The following NELL2 variants were observed in gnomAD, a reference collection of about 807,000 sequenced individuals.
NELL2 encodes neural EGFL like 2.
A neutral mutation model predicts 109.6 loss-of-function variants in NELL2; 41 were observed. The ratio of observed to expected loss-of-function variants is 0.37; its 90% CI spans 0.29 to 0.49. The LOEUF (loss-of-function observed/expected upper bound fraction) is 0.49. Ranked by LOEUF, NELL2 falls within the 20% of genes least tolerant of loss-of-function variation. The pLI is 0.98. For synonymous variants in NELL2, 355 were observed against 344.7 expected (o/e 1.03, Z -0.33); for missense variants, 900 against 1,008.3 (o/e 0.89, Z 1.45).
At chr12:44,896,638 C>T (rs1227295830) in intron 1 of NELL2, among the ~76,000 whole-genome samples, 2 of 152,078 alleles carry the variant, frequency 1.3e-5, no homozygotes, top group East Asian at 1.9e-4. Flanking sequence ...AAAAATATCA[C>T]TTAATGTACT....
intron 3 of NELL2, among the ~76,000 whole-genome samples, chr12:44,790,240 C>A (rs536689355): frequency 1.3e-5 from 2 of 152,156 alleles, no homozygotes; most frequent in Admixed American, 1.3e-4. Flanking sequence ...CACCAGGTAA[C>A]CTATAAAGGA....
chr12:44,832,283 T>C (rs1444591624), intron 2 of NELL2, among the ~76,000 whole-genome samples: 1 of 152,008 alleles, frequency 6.6e-6, no homozygotes, highest in Non-Finnish European at 1.5e-5. Context: ...GTTGATTATG[T>C]CTAGAATGGA....
chr12:44,509,736 A>G (rs1940900633), intron 19 of NELL2, among the ~76,000 whole-genome samples: 1 of 152,214 alleles, frequency 6.6e-6, no homozygotes, highest in Non-Finnish European at 1.5e-5. Context: ...TAAGCCACCC[A>G]GTCTATGGTA....
At chr12:44,694,512 C>CACATA (rs1948993745) in intron 12 of NELL2, among the ~76,000 whole-genome samples, 1 of 118,734 alleles carries the variant, frequency 8.4e-6, no homozygotes, top group Non-Finnish European at 1.8e-5. Flanking sequence ...ATATACAACA[C>CACATA]ACATACAAAC....
intron 1 of NELL2, among the ~76,000 whole-genome samples, chr12:44,904,064 A>T (rs925198408): frequency 1.3e-5 from 2 of 151,970 alleles, no homozygotes; most frequent in African/African-American, 4.8e-5. Flanking sequence ...TTAAATTTTA[A>T]AAAAACTTAG....
chr12:44,689,339 T>C (rs1185982642), intron 12 of NELL2, among the ~76,000 whole-genome samples: 1 of 152,218 alleles, frequency 6.6e-6, no homozygotes, highest in African/African-American at 2.4e-5. Context: ...TCTTCAGTCT[T>C]CAGAAGCATA....
At chr12:44,553,534 G>C (rs572556415) in intron 15 of NELL2, among the ~76,000 whole-genome samples, 1 of 152,038 alleles carries the variant, frequency 6.6e-6, no homozygotes, top group African/African-American at 2.4e-5. Flanking sequence ...CTATAACCTA[G>C]TGTAAGGCAG....
chr12:44,574,242 C>A (rs186912557), intron 15 of NELL2, among the ~76,000 whole-genome samples: 1 of 152,012 alleles, frequency 6.6e-6, no homozygotes, highest in Non-Finnish European at 1.5e-5. Flanking sequence ...GCTGGGATTA[C>A]AGGCGTGCGC....
intron 15 of NELL2, among the ~76,000 whole-genome samples, chr12:44,548,354 C>G (rs943040765): frequency 6.6e-6 from 1 of 151,898 alleles, no homozygotes; most frequent in Non-Finnish European, 1.5e-5. Flanking sequence ...GATCGCCTGG[C>G]CAACATAGTG....
intron 13 of NELL2, among the ~76,000 whole-genome samples, chr12:44,654,678 G>A (rs1212911766): frequency 1.3e-5 from 2 of 152,140 alleles, no homozygotes; most frequent in Non-Finnish European, 2.9e-5. Flanking sequence ...ACACAGGAGA[G>A]ATGAGGCTTC....
At chr12:44,711,103 T>C (rs566888920) in intron 11 of NELL2, among the ~76,000 whole-genome samples, 189 bp downstream of exon 11, 47 of 152,240 alleles carry the variant, frequency 3.1e-4, no homozygotes, top group African/African-American at 1.1e-3. Flanking sequence ...CAGTTCAGTT[T>C]TAATTCAGTT....
At chr12:44,573,071 G>A (rs1267311672) in intron 15 of NELL2, among the ~76,000 whole-genome samples, 1 of 152,170 alleles carries the variant, frequency 6.6e-6, no homozygotes, top group Non-Finnish European at 1.5e-5. Context: ...CCAATAATAT[G>A]GATTGAGCTC....
chr12:44,891,631 C>T (rs559739777), intron 1 of NELL2, among the ~76,000 whole-genome samples: 87 of 110,868 alleles, frequency 7.8e-4, no homozygotes, highest in Non-Finnish European at 1.4e-3. Context: ...ATTTTTTTTC[C>T]TCCTGTGGGT....
In NELL2 at chr12:44,571,360, A is replaced by G. The variant is rs186265333; in HGVS notation, c.1663+35809T>C. Among the ~76,000 whole-genome samples, 6 of 152,336 alleles carry G rather than the reference A, an allele frequency of 3.9e-5. No homozygotes were observed. In the East Asian group the frequency reaches 1.2e-3, roughly 29 times the overall value. On this transcript the variant is annotated intron_variant, in intron 15 of 19. Coordinates refer to ENST00000429094, the MANE Select transcript of NELL2 (RefSeq NM_001145108.2). The stretch of plus-strand genomic sequence containing the variant: ...ACAATTCAGGCATGAGTCAGCAATT[A>G]GCCTGCACTAATATACTGTCTCAGC...
chr12:44,879,487 T>C (rs556497891), upstream of NELL2, among the ~76,000 whole-genome samples: 1 of 152,082 alleles, frequency 6.6e-6, no homozygotes, highest in East Asian at 1.9e-4. Context: ...ATTTTTAAAT[T>C]CACAGATGAG....
intron 2 of NELL2, among the ~76,000 whole-genome samples, chr12:44,844,685 T>A (rs2136759738): frequency 6.6e-6 from 1 of 152,254 alleles, no homozygotes; most frequent in East Asian, 1.9e-4. Context: ...GTATATAAAT[T>A]AGAACTCAAA....
chr12:44,884,460 T>G (rs552943395), intron 1 of NELL2, among the ~76,000 whole-genome samples: 3 of 152,046 alleles, frequency 2.0e-5, no homozygotes, highest in Non-Finnish European at 4.4e-5. Flanking sequence ...AACACTAAAT[T>G]CCACCACATT....
At chr12:44,874,267 A>C (rs534570283) in intron 2 of NELL2, among the ~76,000 whole-genome samples, 30 of 152,212 alleles carry the variant, frequency 2.0e-4, no homozygotes, top group Non-Finnish European at 1.6e-4. Context: ...AACAACAAAA[A>C]TCTGGGTGAG....
chr12:44,681,853 T>C (rs1948520854), intron 12 of NELL2, among the ~76,000 whole-genome samples: 1 of 151,720 alleles, frequency 6.6e-6, no homozygotes, highest in Non-Finnish European at 1.5e-5. Context: ...GTCTCTGCTA[T>C]TGTGAATAAT....
Sources: allele counts gnomAD v4.1 joint callset (sites outside exome capture counted in the v4.1 genomes callset), GRCh38; gene constraint gnomAD v4.1.1; transcripts MANE v1.5; gene names NCBI Gene and HGNC (gene_info 2026-07-23, HGNC 2026-07-21).